Variants in LIG3 observed in about 807,000 individuals in gnomAD.
LIG3 encodes the protein ligase II, DNA, ATP-dependent.
Under a neutral mutation model 110.9 loss-of-function variants are expected in LIG3, and 58 were observed. The observed-to-expected ratio is 0.52, with a 90% confidence interval of 0.42 to 0.65. LIG3 has a LOEUF of 0.65. Among genes scored for constraint, LIG3 ranks in the 30% least tolerant of loss-of-function variants. LIG3 has a pLI of 0.00. For missense variants in LIG3, 1,094 were observed against 1,273.8 expected, an observed-to-expected ratio of 0.86 and a Z score of 2.15; for synonymous variants, 422 against 472.8, an observed-to-expected ratio of 0.89 and a Z score of 1.39.
At chr17:34,991,255 T>G in intron 5 of LIG3, 141 bp downstream of exon 5, 1 of 750,366 alleles carries the variant, frequency 1.3e-6, no homozygotes, top group Non-Finnish European at 2.1e-6. Flanking sequence ...GCTTCCGTTA[T>G]AGGGGGAGCT....
chr17:35,002,586 A>G, intron 18 of LIG3, 82 bp from the exon 19 acceptor site: 1 of 1,482,942 alleles, frequency 6.7e-7, no homozygotes, highest in Middle Eastern at 2.4e-4. Context: ...GCAGCCTCGA[A>G]CTCCTGAGTT....
chr17:34,990,683 C>T (rs1021732639), intron 4 of LIG3, among the ~76,000 whole-genome samples: 2 of 152,128 alleles, frequency 1.3e-5, no homozygotes, highest in East Asian at 3.8e-4. Context: ...ACTATAGCCT[C>T]GACCTCCTGA....
In LIG3 at chr17:34,991,682, A is replaced by G; in HGVS notation, c.1053A>G (p.Ser351=). ...MARDLEQGDV[S]ETIRVFFEQS... ...GTTTTTGGAGACAGGGTGACGTGTC[A>G]GAGACAATCAGAGTCTTCTTTGAGC... Residue 351 remains serine, a synonymous_variant, in exon 6 of 20, where the codon TCA becomes TCG. Transcript: ENST00000378526. 1 of 1,613,978 alleles carries G rather than the reference A, an allele frequency of 6.2e-7. No homozygotes were observed. The highest frequency in any genetic ancestry group is 8.5e-7 in the Non-Finnish European group (1 of 1,180,018).
At chr17:35,001,849 C>A in intron 17 of LIG3, 60 bp from the exon 18 acceptor site, 2 of 1,495,504 alleles carry the variant, frequency 1.3e-6, no homozygotes, top group Admixed American at 2.1e-5. Flanking sequence ...ACACACACCA[C>A]CTCTGAGGCC....
intron 5 of LIG3, 133 bp downstream of exon 5, chr17:34,991,247 TTCC>T (rs2090717552): frequency 9.6e-6 from 8 of 832,018 alleles, no homozygotes; most frequent in Non-Finnish European, 1.5e-5. Flanking sequence ...TTGAGCAAGC[TTCC>T]GTTATAGGGG....
At chr17:34,988,722 C>T (rs1028926253) in intron 3 of LIG3, among the ~76,000 whole-genome samples, 5 of 152,012 alleles carry the variant, frequency 3.3e-5, no homozygotes, top group Non-Finnish European at 7.4e-5. Context: ...GTTGAAGCAG[C>T]GAGGGGTAGG....
In LIG3 at chr17:35,009,073, G is replaced by A. The variant is rs2090917466; in HGVS notation, c.*4567G>A. 1.3e-5 allele frequency: 2 copies of A among 152,622 alleles called. No homozygotes were observed. Among genetic ancestry groups the A allele is most frequent in the Non-Finnish European group, 2.9e-5 (2 of 68,036 alleles). 9.5% of individuals were successfully genotyped at this position (152,622 alleles called of 1,614,324 possible). A position where few individuals can be genotyped will look rare whatever the true frequency, so the allele number is the denominator to read the frequency against. On this transcript the variant is annotated 3_prime_UTR_variant, in exon 20 of 20. Coordinates refer to ENST00000378526, the MANE Select transcript of LIG3 (RefSeq NM_013975.4). Reference sequence around the variant, plus strand: ...GAACCACTGTCAGGCTCTTTTGTCAGTCCTATCAACCTCTAACATCCTCGC... The same window carrying A: ...GAACCACTGTCAGGCTCTTTTGTCAATCCTATCAACCTCTAACATCCTCGC...
chr17:35,003,606 T>C (rs3136031), intron 19 of LIG3: 4,746 of 159,400 alleles, frequency 0.03, 229 homozygotes, highest in African/African-American at 0.11. Context: ...TGAGCCACCA[T>C]ACCCGGCCTC....
Position 34,994,238 on chromosome 17 carries a change from C to T in LIG3, c.1456-38C>T, listed in dbSNP as rs372456505. 21 of 1,593,772 alleles carry T rather than the reference C, an allele frequency of 1.3e-5. No individual in the cohort carries two copies. The African/African-American group carries it at 2.2e-4, about 16-fold the overall frequency. ...TGGCTGTCGCTGCTTAGCAGCCCCT[C>T]ATTGAAAGTCTCCAGGCTTTGCTTT... On this transcript the variant is annotated intron_variant, in intron 8 of 19. Transcript: ENST00000378526.
In LIG3 at chr17:35,006,868, G is replaced by C. The variant is rs1182611973; in HGVS notation, c.*2362G>C. The C allele has an allele frequency of 1.4e-5, 2 of 146,486 alleles. No individual in the cohort carries two copies. Among genetic ancestry groups the C allele is most frequent in the Non-Finnish European group, 3.0e-5 (2 of 66,328 alleles). 9.1% of individuals were successfully genotyped at this position (146,486 alleles called of 1,614,324 possible). ...TTGGCTTCCACCTACTGTTTAAAAT[G>C]TGTATGTTGGGGGAGTAGGGACAGC... On this transcript the variant is annotated 3_prime_UTR_variant, in exon 20 of 20. Coordinates refer to ENST00000378526, the MANE Select transcript of LIG3 (RefSeq NM_013975.4).
At chr17:34,983,671 C>A (rs1420892241) in intron 2 of LIG3, 119 bp downstream of exon 2, 1 of 995,226 alleles carries the variant, frequency 1.0e-6, no homozygotes, top group Non-Finnish European at 1.5e-6. Flanking sequence ...GGGTCTCACT[C>A]TGTTGCCTAG....
Position 34,980,513 on chromosome 17 carries a change from C to T in LIG3, c.-114C>T, listed in dbSNP as rs766290062. Reference sequence around the variant, plus strand: ...TCTTGCGCCTGCGCGCTGCCTCCCGCTCTAGGACCCGGATTTAAAGAGACA... The same window carrying T: ...TCTTGCGCCTGCGCGCTGCCTCCCGTTCTAGGACCCGGATTTAAAGAGACA... On this transcript the variant is annotated 5_prime_UTR_variant, in exon 1 of 20. Transcript: ENST00000378526. The T allele has an allele frequency of 2.8e-3, 3,557 of 1,271,674 alleles. 17 individuals are homozygous for T. Among genetic ancestry groups the T allele is most frequent in the Admixed American group, 3.0e-3 (128 of 42,754 alleles). The allele number at this position is 1,271,674 out of a possible 1,614,324, so 78.8% of individuals were successfully genotyped here. A position where few individuals can be genotyped will look rare whatever the true frequency, so the allele number is the denominator to read the frequency against.
chr17:34,988,487 G>A (rs1440914756), intron 3 of LIG3, among the ~76,000 whole-genome samples: 3 of 152,212 alleles, frequency 2.0e-5, no homozygotes, highest in Non-Finnish European at 4.4e-5. Context: ...GTGTACAACA[G>A]CAGTTAGCTT....
intron 9 of LIG3, among the ~76,000 whole-genome samples, chr17:34,994,908 T>G (rs924205602): frequency 2.0e-5 from 3 of 152,206 alleles, no homozygotes; most frequent in African/African-American, 7.2e-5. Flanking sequence ...CTGGCCACCA[T>G]GAAGTTTACA....
In LIG3 at chr17:35,002,029, C is replaced by A. The variant is rs188396172; in HGVS notation, c.2599C>A (p.Arg867Ser). 6 of 1,610,028 alleles carry A rather than the reference C, an allele frequency of 3.7e-6. No homozygotes were observed. The highest frequency in any genetic ancestry group is 5.1e-6 in the Non-Finnish European group (6 of 1,178,460). Residue 867 changes from arginine to serine, a missense_variant, in exon 18 of 20, where the codon CGC becomes AGC. By Grantham distance (110) the Arg-to-Ser change is moderately radical. Coordinates refer to ENST00000378526, the MANE Select transcript of LIG3 (RefSeq NM_013975.4). ...GGGTCCCTCAGGGTCTGCTGTGTCC[C>A]GCAAGGCCCCCAGCAAGCCCTCAGC... Reference protein sequence around the residue: ...NKGPSGSAVSRKAPSKPSAST... With the variant: ...NKGPSGSAVSSKAPSKPSAST...
rs3744356 is a variant in LIG3 at position 34,986,110 on chromosome 17, C to G, written c.670C>G (p.Arg224Gly). The change falls in exon 3 of 20, where the codon CGG (arginine) becomes GGG (glycine). Residue 224 changes from arginine to glycine, a missense_variant. By Grantham distance (125) the Arg-to-Gly change is moderately radical. Transcript: ENST00000378526. ...GASFVTSTNP[R>G]KFSGFSAKPN... is the part of the protein sequence containing the mutation. Reference sequence around the variant, plus strand: ...CTCATTTGTCACCAGTACCAATCCCCGGAAATTTTCTGGCTTTTCAGGTAA... The same window carrying G: ...CTCATTTGTCACCAGTACCAATCCCGGGAAATTTTCTGGCTTTTCAGGTAA... 1 of 1,614,038 alleles carries G rather than the reference C, an allele frequency of 6.2e-7. No individual in the cohort carries two copies. Among genetic ancestry groups the G allele is most frequent in the East Asian group, 2.2e-5 (1 of 44,878 alleles).
chr17:34,999,748 G>A, intron 15 of LIG3, 34 bp from the exon 16 acceptor site: 2 of 1,583,774 alleles, frequency 1.3e-6, no homozygotes, highest in East Asian at 4.5e-5. Context: ...TTCCAGGTTG[G>A]GAACAGCCCA....
At chr17:35,000,736 C>T (rs924299881) in intron 16 of LIG3, among the ~76,000 whole-genome samples, 1 of 150,210 alleles carries the variant, frequency 6.7e-6, no homozygotes, top group Non-Finnish European at 1.5e-5. Context: ...TCACCTCAGT[C>T]TCCCAAGTAG....
At chr17:34,996,439 C>T (rs776935051) in intron 10 of LIG3, 135 bp from the exon 11 acceptor site, 11 of 844,294 alleles carry the variant, frequency 1.3e-5, no homozygotes, top group Non-Finnish European at 2.1e-5. Flanking sequence ...GCCCTTATGG[C>T]CCAGGGGCTT....
Sources: gnomAD v4.1 joint callset for allele counts (sites outside exome capture counted in the v4.1 genomes callset) on GRCh38, gnomAD v4.1.1 for gene constraint, MANE v1.5 for transcripts, NCBI Gene and HGNC (gene_info 2026-07-23, HGNC 2026-07-21) for gene names.